MPHOSPH9: variants seen among roughly 807,000 people sequenced by gnomAD.
MPHOSPH9 encodes M-phase phosphoprotein 9.
Under a neutral mutation model 145.5 loss-of-function variants are expected in MPHOSPH9, and 88 were observed. That is an observed-to-expected ratio of 0.60 (90% CI 0.51 to 0.72). The LOEUF (loss-of-function observed/expected upper bound fraction) is 0.72. Among genes scored for constraint, MPHOSPH9 ranks in the 30% least tolerant of loss-of-function variants. MPHOSPH9 has a pLI of 0.00. For synonymous variants in MPHOSPH9, 435 were observed against 486.2 expected (o/e 0.89, Z 1.39); for missense variants, 1,238 against 1,386.6 (o/e 0.89, Z 1.70).
intron 17 of MPHOSPH9, 62 bp from the exon 18 acceptor site, chr12:123,165,539 C>T: frequency 7.1e-7 from 1 of 1,412,142 alleles, no homozygotes; most frequent in Non-Finnish European, 9.8e-7. Context: ...TTGCCCCCCG[C>T]CCCCACACCA....
chr12:123,204,263 T>C (rs1438617670), intron 8 of MPHOSPH9, among the ~76,000 whole-genome samples: 4 of 150,710 alleles, frequency 2.7e-5, no homozygotes, highest in African/African-American at 7.3e-5. Flanking sequence ...GATTGCGCCA[T>C]TGCACTTTAG....
At chr12:123,236,304 T>A (rs2047849216), upstream of MPHOSPH9, among the ~76,000 whole-genome samples, 1 of 152,032 alleles carries the variant, frequency 6.6e-6, no homozygotes, top group Non-Finnish European at 1.5e-5. Flanking sequence ...TATTTGAAAG[T>A]GCTTTGCAGC....
rs762013058 is a variant in MPHOSPH9, at chr12:123,164,003, G to A, written c.2855C>T (p.Ala952Val). The A allele has an allele frequency of 1.2e-5, 19 of 1,614,118 alleles. No homozygotes were observed. Among genetic ancestry groups the A allele is most frequent in the Non-Finnish European group, 1.6e-5 (19 of 1,180,000 alleles). The change falls in exon 19 of 24, where the codon GCC (alanine) becomes GTC (valine). Residue 952 changes from alanine (A) to valine (V), a missense_variant. Transcript: ENST00000606320. ...AQQRQKRLNS[A>V]SQRSSSLPPS... ...TGGTAAAGATGATGATCTCTGTGAG[G>A]CCGAATTAAGTCTCTTTTGTCTCTG...
At chr12:123,163,881 C>T (rs904903448) in intron 19 of MPHOSPH9, 69 bp downstream of exon 19, 21 of 1,583,016 alleles carry the variant, frequency 1.3e-5, no homozygotes, top group East Asian at 2.2e-5. Context: ...AGGCAAGCAG[C>T]GGGCACAAAT....
In MPHOSPH9 at chr12:123,163,161, T is replaced by C. The variant is rs539946781; in HGVS notation, c.2909-27A>G. On this transcript the variant is annotated intron_variant, in intron 19 of 23. Transcript: ENST00000606320. ...TATAGAAGAAAATGAAGAGGAAATA[T>C]TCTTTTCCTTCTATATGTATCAGCA... is the stretch of plus-strand genomic sequence containing the variant. 1.1e-4 allele frequency: 169 copies of C among 1,555,294 alleles called. 2 individuals carry two copies. The South Asian group carries it at 1.8e-3, about 17-fold the overall frequency.
chr12:123,167,307 A>G (rs2137936468), intron 16 of MPHOSPH9, among the ~76,000 whole-genome samples: 1 of 152,348 alleles, frequency 6.6e-6, no homozygotes, highest in East Asian at 1.9e-4. Context: ...AGTTTTCAGT[A>G]TCAAAATGGA....
At chr12:123,183,269 C>T (rs903674589) in intron 13 of MPHOSPH9, among the ~76,000 whole-genome samples, 1 of 151,032 alleles carries the variant, frequency 6.6e-6, no homozygotes, top group East Asian at 1.9e-4. Flanking sequence ...AAGTGCTGGC[C>T]GGGCGTGGTA....
intron 6 of MPHOSPH9, among the ~76,000 whole-genome samples, chr12:123,216,035 G>A (rs2046942484): frequency 6.6e-6 from 1 of 151,930 alleles, no homozygotes; most frequent in Non-Finnish European, 1.5e-5. Context: ...CAGGAGATTG[G>A]GATTATCCTG....
chr12:123,173,674 A>G (rs1267322415), intron 16 of MPHOSPH9, among the ~76,000 whole-genome samples: 1 of 152,200 alleles, frequency 6.6e-6, no homozygotes, highest in Non-Finnish European at 1.5e-5. Flanking sequence ...GAGCTTCTGG[A>G]GAGCTGAACA....
At chr12:123,157,198 T>C (rs1326601234) in intron 23 of MPHOSPH9, among the ~76,000 whole-genome samples, 1 of 152,204 alleles carries the variant, frequency 6.6e-6, no homozygotes, top group East Asian at 1.9e-4. Context: ...AGGATAATTC[T>C]TTGGCTCTGC....
chr12:123,234,125 C>G (rs1248521983), upstream of MPHOSPH9, among the ~76,000 whole-genome samples: 3 of 152,022 alleles, frequency 2.0e-5, no homozygotes, highest in African/African-American at 7.2e-5. Context: ...AGGGAACTCG[C>G]TCTCCTCCCC....
intron 21 of MPHOSPH9, among the ~76,000 whole-genome samples, chr12:123,161,770 TAC>T (rs930165830): frequency 2.6e-5 from 4 of 151,702 alleles, no homozygotes; most frequent in Admixed American, 2.0e-4. Flanking sequence ...TGATTTCACA[TAC>T]ATTGTCTTAT....
intron 6 of MPHOSPH9, 83 bp from the exon 7 acceptor site, chr12:123,214,917 A>C (rs2046894344): frequency 8.7e-7 from 1 of 1,150,688 alleles, no homozygotes; most frequent in South Asian, 1.3e-5. Flanking sequence ...CCAGGCCTCA[A>C]ACCAGGTGGG....
chr12:123,219,504 G>T (rs185558650), intron 5 of MPHOSPH9, among the ~76,000 whole-genome samples: 445 of 140,568 alleles, frequency 3.2e-3, no homozygotes, highest in African/African-American at 0.011. Context: ...AGTGAGCCGA[G>T]ATTGCGCCAC....
At chr12:123,204,283 C>T (rs1001689241) in intron 8 of MPHOSPH9, among the ~76,000 whole-genome samples, 4 of 139,120 alleles carry the variant, frequency 2.9e-5, no homozygotes, top group African/African-American at 1.1e-4. Context: ...GCCTGCGCAA[C>T]AAGAGCGAAA....
chr12:123,211,167 T>C (rs1045181292), intron 7 of MPHOSPH9, among the ~76,000 whole-genome samples: 4 of 152,102 alleles, frequency 2.6e-5, no homozygotes, highest in Non-Finnish European at 4.4e-5. Context: ...GTATTTTTAG[T>C]AGAGACAGGG....
chr12:123,198,478 T>C, intron 11 of MPHOSPH9, 144 bp from the exon 12 acceptor site: 1 of 680,730 alleles, frequency 1.5e-6, no homozygotes, highest in South Asian at 1.9e-5. Context: ...TTTAATAGAA[T>C]ATAGCCCAAT....
intron 16 of MPHOSPH9, among the ~76,000 whole-genome samples, chr12:123,168,414 T>C (rs2044414959): frequency 6.7e-6 from 1 of 149,746 alleles, no homozygotes; most frequent in African/African-American, 2.5e-5. Context: ...TGATCTCGGC[T>C]CACTGCAAGC....
intron 13 of MPHOSPH9, among the ~76,000 whole-genome samples, chr12:123,188,358 T>A (rs898952642): frequency 3.9e-5 from 6 of 152,094 alleles, no homozygotes; most frequent in Admixed American, 3.9e-4. Context: ...CTAAAAAAGA[T>A]AACAAAGCTC....
Sources: gnomAD v4.1 joint callset for allele counts (sites outside exome capture counted in the v4.1 genomes callset) on GRCh38, gnomAD v4.1.1 for gene constraint, MANE v1.5 for transcripts, NCBI Gene and HGNC (gene_info 2026-07-23, HGNC 2026-07-21) for gene names.